PIEZO2: variants seen among roughly 807,000 people sequenced by gnomAD.
The protein encoded by PIEZO2 is piezo type mechanosensitive ion channel component 2.
PIEZO2 carries 172 observed loss-of-function variants against 337.3 expected under a neutral mutation model. That is an observed-to-expected ratio of 0.51 (90% CI 0.45 to 0.58). The LOEUF is 0.58. PIEZO2 is among the 20% of genes least tolerant of loss of function. The pLI is 0.00. For missense variants in PIEZO2, 3,028 were observed against 3,391.3 expected, an observed-to-expected ratio of 0.89 and a Z score of 2.66; for synonymous variants, 1,251 against 1,228.5, an observed-to-expected ratio of 1.02 and a Z score of -0.38.
intron 7 of PIEZO2, among the ~76,000 whole-genome samples, chr18:10,812,890 T>C (rs563846084): frequency 3.3e-5 from 5 of 152,312 alleles, no homozygotes; most frequent in Middle Eastern, 3.4e-3. Flanking sequence ...ATCCCAGCCA[T>C]TGGCAAGAAA....
intron 23 of PIEZO2, 44 bp downstream of exon 23, chr18:10,762,456 T>C (rs772028729): frequency 5.2e-6 from 8 of 1,526,682 alleles, no homozygotes; most frequent in Non-Finnish European, 7.0e-6. Context: ...TGAACTATTA[T>C]ATAACGGAGT....
chr18:10,724,338 G>A lies in PIEZO2; in HGVS notation c.5030-6079C>T, dbSNP rs1001368248. On this transcript the variant is annotated intron_variant, in intron 36 of 55. Transcript: ENST00000674853. This position sits in a 1 kb window ranked among gnomAD's most constrained non-coding sequence, Gnocchi z 5.8. ...CATTGCACTGCACTCCACCTTGGGTGACAGAGCAAGACCCTGTCTCAAAAA... is the reference window on the plus strand; with the variant it reads ...CATTGCACTGCACTCCACCTTGGGTAACAGAGCAAGACCCTGTCTCAAAAA... 2.0e-5 allele frequency among the ~76,000 whole-genome samples: 3 copies of A among 152,158 alleles called. No homozygotes were observed. The highest frequency in any genetic ancestry group is 7.2e-5 in the African/African-American group (3 of 41,448).
In PIEZO2 at chr18:11,003,776, C is replaced by T. The variant is rs995397998; in HGVS notation, c.161-24116G>A. ...AGGAAACCAGAGTACCTAGAAAAAT[C>T]CCACACAGACCTGGGGAGAACAAGC... On this transcript the variant is annotated intron_variant, in intron 2 of 55. Coordinates refer to ENST00000674853, the MANE Select transcript of PIEZO2 (RefSeq NM_001378183.1). This position sits in a 1 kb window ranked among gnomAD's most constrained non-coding sequence, Gnocchi z 4.6. Among the ~76,000 whole-genome samples, 1 of 152,268 alleles carries T rather than the reference C, an allele frequency of 6.6e-6. No homozygotes were observed. Among genetic ancestry groups the T allele is most frequent in the Middle Eastern group, 3.4e-3 (1 of 294 alleles).
Position 10,696,120 on chromosome 18 carries a change from C to T in PIEZO2, c.7144G>A (p.Gly2382Arg), listed in dbSNP as rs760201421. The T allele has an allele frequency of 6.2e-6, 10 of 1,614,060 alleles. No individual in the cohort carries two copies. Among genetic ancestry groups the T allele is most frequent in the African/African-American group, 1.3e-5 (1 of 74,940 alleles). ...ATGAAGAACATCCAGAAGTGAATTC[C>T]GAACACAAGAATGACCTGGAAGATG... Reference protein sequence around the residue: ...KVIFQVILVFGIHFWMFFILP... With the variant: ...KVIFQVILVFRIHFWMFFILP... The change falls in exon 47 of 56, where the codon GGA (glycine) becomes AGA (arginine). Residue 2382 changes from glycine (G) to arginine (R), a missense_variant. By Grantham distance (125) the Gly-to-Arg change is moderately radical (BLOSUM62 -2). Coordinates refer to ENST00000674853, the MANE Select transcript of PIEZO2 (RefSeq NM_001378183.1).
chr18:11,003,251 GTTGT>G lies in PIEZO2; in HGVS notation c.161-23595_161-23592del, dbSNP rs1555691617. Among the ~76,000 whole-genome samples, 570 of 151,746 alleles carry G rather than the reference GTTGT, an allele frequency of 3.8e-3. 2 individuals carry two copies. Among genetic ancestry groups the G allele is most frequent in the African/African-American group, 0.013 (540 of 41,108 alleles). On this transcript the variant is annotated intron_variant, in intron 2 of 55. Transcript: ENST00000674853. This position sits in a 1 kb window ranked among gnomAD's most constrained non-coding sequence, Gnocchi z 4.6. ...TCTGGTCTAGGATGTGTTTTCTTTT[GTTGT>G]TTGTTTGTTTTGTTTTGTTTTGTTT...
rs115668887 is a variant in PIEZO2 at position 10,924,964 on chromosome 18, T to A, written c.287-13736A>T. On this transcript the variant is annotated intron_variant, in intron 3 of 55. Transcript: ENST00000674853. ...AAATTTTATGAAAAATAAAAACTTA[T>A]GAAGCACATTTAGTTTAAACTTACA... Among the ~76,000 whole-genome samples, 1,194 of 152,338 alleles carry A rather than the reference T, an allele frequency of 7.8e-3. 17 individuals are homozygous for A. The highest frequency in any genetic ancestry group is 0.027 in the African/African-American group (1,140 of 41,586).
chr18:10,983,812 A>T (rs2034764436), intron 2 of PIEZO2, among the ~76,000 whole-genome samples: 1 of 152,204 alleles, frequency 6.6e-6, no homozygotes, highest in Non-Finnish European at 1.5e-5. Flanking sequence ...AACATGTACA[A>T]ATATTAGCAT....
intron 42 of PIEZO2, among the ~76,000 whole-genome samples, chr18:10,702,472 CTTAT>C (rs1250380540): frequency 6.6e-6 from 1 of 152,196 alleles, no homozygotes; most frequent in Non-Finnish European, 1.5e-5. Context: ...TGGCATTATA[CTTAT>C]TTAATTAGAT....
At chr18:10,678,905 T>A (rs908911414) in intron 52 of PIEZO2, among the ~76,000 whole-genome samples, 2 of 151,382 alleles carry the variant, frequency 1.3e-5, no homozygotes, top group Admixed American at 1.3e-4. Flanking sequence ...ATGCAAGTGA[T>A]AATATGGGCC....
In PIEZO2 at chr18:10,673,502, T is replaced by C. The variant is rs2033867146; in HGVS notation, c.8162-629A>G. Among the ~76,000 whole-genome samples, 1 of 152,148 alleles carries C rather than the reference T, an allele frequency of 6.6e-6. No homozygotes were observed. The highest frequency in any genetic ancestry group is 6.6e-5 in the Admixed American group (1 of 15,266). ...GAGATTCGCCAAGTGAGAACTTCAA[T>C]AGGTGAAGGTGGGTGAGGAGGGAAG... On this transcript the variant is annotated intron_variant, in intron 54 of 55. Coordinates refer to ENST00000674853, the MANE Select transcript of PIEZO2 (RefSeq NM_001378183.1). This position sits in a 1 kb window ranked among gnomAD's most constrained non-coding sequence, Gnocchi z 4.8.
chr18:11,062,689 G>A (rs934846606), intron 2 of PIEZO2, among the ~76,000 whole-genome samples: 1 of 152,294 alleles, frequency 6.6e-6, no homozygotes, highest in South Asian at 2.1e-4. Context: ...TCAGAGAAAT[G>A]CAAATCAAAA....
At chr18:10,807,089 C>A (rs1342331308) in intron 8 of PIEZO2, 23 bp downstream of exon 8, 3 of 1,526,392 alleles carry the variant, frequency 2.0e-6, no homozygotes, top group Non-Finnish European at 1.8e-6. Context: ...CAGACAAGAT[C>A]ATGAAAATGT....
At chr18:10,695,902 T>C (rs528194170) in intron 47 of PIEZO2, among the ~76,000 whole-genome samples, 172 bp downstream of exon 47, 6 of 152,354 alleles carry the variant, frequency 3.9e-5, no homozygotes, top group Middle Eastern at 3.4e-3. Flanking sequence ...GTTCACACTT[T>C]GGATTTGCGT....
At chr18:10,804,343 C>T (rs923722973) in intron 8 of PIEZO2, among the ~76,000 whole-genome samples, 6 of 152,296 alleles carry the variant, frequency 3.9e-5, no homozygotes, top group Admixed American at 1.3e-4. Context: ...CGCGGTTAAC[C>T]GTGTAAGCCA....
Position 11,100,787 on chromosome 18 carries a change from G to A in PIEZO2, c.65-34565C>T, listed in dbSNP as rs550368376. Among the ~76,000 whole-genome samples the A allele has an allele frequency of 2.0e-3, 300 of 152,198 alleles. 1 individual carries two copies. Among genetic ancestry groups the A allele is most frequent in the African/African-American group, 6.7e-3 (277 of 41,540 alleles). ...ATTTTTTGTATTTTTAGTAGAGACA[G>A]GGTTTCACCGTGTTAGCCAGGATGG... On this transcript the variant is annotated intron_variant, in intron 1 of 55. Coordinates refer to ENST00000674853, the MANE Select transcript of PIEZO2 (RefSeq NM_001378183.1).
chr18:10,882,941 C>A (rs867339834), intron 4 of PIEZO2, among the ~76,000 whole-genome samples: 2 of 143,232 alleles, frequency 1.4e-5, no homozygotes, highest in Non-Finnish European at 3.0e-5. Context: ...TGGGTCCAAG[C>A]GATTCTCCTG....
At chr18:10,836,446 G>C (rs889799783) in intron 7 of PIEZO2, among the ~76,000 whole-genome samples, 1 of 152,078 alleles carries the variant, frequency 6.6e-6, no homozygotes, top group East Asian at 1.9e-4. Flanking sequence ...TTGCTAGCCC[G>C]GCTGTAACTT....
Position 10,724,660 on chromosome 18 carries a change from AC to A in PIEZO2, c.5030-6402del. The A allele has an allele frequency of 1.2e-6, 1 of 851,848 alleles. No individual in the cohort carries two copies. The highest frequency in any genetic ancestry group is 2.4e-5 in the Admixed American group (1 of 41,680). The allele number at this position is 851,848 out of a possible 1,614,324, so 52.8% of individuals were successfully genotyped here. ...GTCTCAGGCGTATGATCAGGCACCC[AC>A]CAGCCCACCTACCAGTCTGCTGTCC... On this transcript the variant is annotated intron_variant, in intron 36 of 55. Transcript: ENST00000674853. The surrounding 1 kb of genome is among the most constrained non-coding windows in gnomAD (Gnocchi z 5.8).
chr18:11,055,210 CAA>C (rs11390110), intron 2 of PIEZO2, among the ~76,000 whole-genome samples: 19 of 79,826 alleles, frequency 2.4e-4, no homozygotes, highest in South Asian at 1.7e-3. Flanking sequence ...GACTCTGTCT[CAA>C]AAAAAAAAAA....
Sources: gnomAD v4.1 joint callset for allele counts (sites outside exome capture counted in the v4.1 genomes callset) on GRCh38, gnomAD v4.1.1 for gene constraint, Gnocchi (gnomAD v3.1) non-coding constraint, MANE v1.5 for transcripts, NCBI Gene and HGNC (gene_info 2026-07-23, HGNC 2026-07-21) for gene names.